DNAH14: variants seen among roughly 807,000 people sequenced by gnomAD.
DNAH14 encodes the protein dynein axonemal heavy chain 14.
A neutral mutation model predicts 520.9 loss-of-function variants in DNAH14; 478 were observed. That is an observed-to-expected ratio of 0.92 (90% CI 0.85 to 0.99). The LOEUF is 0.99. Ranked by LOEUF, DNAH14 falls within the 50% of genes least tolerant of loss-of-function variation. DNAH14 has a pLI of 0.00. For missense variants in DNAH14, 4,831 were observed against 5,234.5 expected (o/e 0.92, Z 2.38); for synonymous variants, 1,581 against 1,757.2 (o/e 0.90, Z 2.51).
At chr1:225,377,206 GA>G (rs2095712396) in intron 78 of DNAH14, 30 bp from the exon 79 acceptor site, 1 of 1,404,156 alleles carries the variant, frequency 7.1e-7, no homozygotes, top group African/African-American at 1.5e-5. Flanking sequence ...CAGGATTGAA[GA>G]AAAAAGCTAA....
Position 225,318,467 on chromosome 1 carries a change from A to G in DNAH14, c.9241-116A>G, listed in dbSNP as rs1337498881. 10 of 908,182 alleles carry G rather than the reference A, an allele frequency of 1.1e-5. No homozygotes were observed. In the Admixed American group the frequency reaches 1.8e-4, roughly 16 times the overall value. The allele number at this position is 908,182 out of a possible 1,614,324, so 56.3% of individuals were successfully genotyped here. On this transcript the variant is annotated intron_variant, in intron 60 of 85. Coordinates refer to ENST00000682510, the MANE Select transcript of DNAH14 (RefSeq NM_001367479.1). ...CATATCTAAGTCATAAAAGATGCATAACTTATGGGCATTGTAAAAATATCA... is the reference window on the plus strand; with the variant it reads ...CATATCTAAGTCATAAAAGATGCATGACTTATGGGCATTGTAAAAATATCA...
chr1:225,325,061 C>T (rs1364698217), intron 64 of DNAH14, among the ~76,000 whole-genome samples: 1 of 151,528 alleles, frequency 6.6e-6, no homozygotes. Context: ...TTATTATTGT[C>T]TTTATAATAT....
intron 69 of DNAH14, among the ~76,000 whole-genome samples, chr1:225,341,622 T>C (rs2095182690): frequency 6.6e-6 from 1 of 152,132 alleles, no homozygotes; most frequent in African/African-American, 2.4e-5. Context: ...GTCAAGATGG[T>C]GCCATTGCAC....
At chr1:225,350,407 A>G (rs1019146880) in intron 71 of DNAH14, among the ~76,000 whole-genome samples, 1 of 152,114 alleles carries the variant, frequency 6.6e-6, no homozygotes, top group South Asian at 2.1e-4. Context: ...TTGAAATAAT[A>G]AAGACTAAAG....
intron 41 of DNAH14, among the ~76,000 whole-genome samples, chr1:225,229,744 A>G (rs2090915944): frequency 6.6e-6 from 1 of 151,760 alleles, no homozygotes. Context: ...CAAGGGGGGA[A>G]CATCATACAC....
intron 9 of DNAH14, among the ~76,000 whole-genome samples, chr1:225,005,464 G>T (rs569920278): frequency 4.6e-5 from 7 of 152,126 alleles, no homozygotes; most frequent in Non-Finnish European, 7.4e-5. Context: ...TTGAGTGATA[G>T]AGATCAATTA....
chr1:225,146,813 TA>T (rs1331495317), intron 30 of DNAH14, among the ~76,000 whole-genome samples: 7 of 152,230 alleles, frequency 4.6e-5, no homozygotes, highest in African/African-American at 1.7e-4. Flanking sequence ...AGGGATCTGG[TA>T]CATCTCTGTG....
chr1:225,033,058 C>T (rs956365671), intron 11 of DNAH14, among the ~76,000 whole-genome samples: 6 of 152,038 alleles, frequency 3.9e-5, no homozygotes, highest in Non-Finnish European at 7.4e-5. Flanking sequence ...GTTTCTTTTC[C>T]TGTGCAGAAG....
chr1:225,288,203 G>A (rs536121468), intron 54 of DNAH14, among the ~76,000 whole-genome samples: 22 of 152,120 alleles, frequency 1.4e-4, no homozygotes, highest in African/African-American at 5.3e-4. Context: ...AGGTGATCAA[G>A]TTCACCAACA....
At chr1:225,248,667 A>G (rs989253579) in intron 43 of DNAH14, among the ~76,000 whole-genome samples, 1 of 152,226 alleles carries the variant, frequency 6.6e-6, no homozygotes, top group African/African-American at 2.4e-5. Flanking sequence ...AAGAGTGACA[A>G]CTAATAACAA....
intron 62 of DNAH14, among the ~76,000 whole-genome samples, chr1:225,323,375 TATA>T (rs1304066304): frequency 6.6e-6 from 1 of 152,256 alleles, no homozygotes; most frequent in Non-Finnish European, 1.5e-5. Flanking sequence ...TTTTAAAAAG[TATA>T]GCAAAGCTAC....
At chr1:225,079,835 G>A (rs943416261) in intron 18 of DNAH14, among the ~76,000 whole-genome samples, 42 of 151,558 alleles carry the variant, frequency 2.8e-4, no homozygotes, top group Non-Finnish European at 5.2e-4. Flanking sequence ...CACCACGCCC[G>A]GCTAATTTTT....
chr1:224,946,394 C>T (rs913818945), intron 1 of DNAH14, among the ~76,000 whole-genome samples: 3 of 152,114 alleles, frequency 2.0e-5, no homozygotes, highest in Non-Finnish European at 2.9e-5. Flanking sequence ...TGTCTCTCAC[C>T]CCTTTCTTTG....
intron 10 of DNAH14, among the ~76,000 whole-genome samples, chr1:225,009,497 G>A (rs1323303217): frequency 6.6e-6 from 1 of 152,144 alleles, no homozygotes; most frequent in Non-Finnish European, 1.5e-5. Context: ...ATGCTGTTTT[G>A]GTTACTGCAG....
intron 40 of DNAH14, 92 bp from the exon 41 acceptor site, chr1:225,206,876 G>A (rs1197484867): frequency 5.5e-6 from 6 of 1,088,504 alleles, no homozygotes; most frequent in Non-Finnish European, 7.5e-6. Flanking sequence ...TTTATGAGAG[G>A]GCAGTGGTGA....
intron 58 of DNAH14, among the ~76,000 whole-genome samples, chr1:225,306,270 G>C (rs1357878665): frequency 2.6e-5 from 4 of 152,170 alleles, no homozygotes; most frequent in African/African-American, 9.7e-5. Flanking sequence ...GTTCATTTTA[G>C]AGCAGTTGAG....
At chr1:224,946,915 C>CTTTTT (rs746576812) in intron 1 of DNAH14, among the ~76,000 whole-genome samples, 4 of 108,254 alleles carry the variant, frequency 3.7e-5, no homozygotes, top group Non-Finnish European at 5.6e-5. Context: ...GTTTCATCTA[C>CTTTTT]TTTTTTTTTT....
intron 68 of DNAH14, 62 bp downstream of exon 68, chr1:225,338,244 T>A (rs1169901600): frequency 6.6e-7 from 1 of 1,525,514 alleles, no homozygotes; most frequent in Non-Finnish European, 8.9e-7. Context: ...TAATATTGAA[T>A]GCCTTGTATT....
intron 30 of DNAH14, 79 bp from the exon 31 acceptor site, chr1:225,147,025 C>T: frequency 8.7e-7 from 1 of 1,152,964 alleles, no homozygotes; most frequent in East Asian, 2.6e-5. Context: ...ATGGGGAGAA[C>T]ACATACAAAT....
Sources: gnomAD v4.1 joint callset for allele counts (sites outside exome capture counted in the v4.1 genomes callset) on GRCh38, gnomAD v4.1.1 for gene constraint, MANE v1.5 for transcripts, NCBI Gene and HGNC (gene_info 2026-07-23, HGNC 2026-07-21) for gene names.